The following PRKAR2A variants were observed in gnomAD, a reference collection of about 807,000 sequenced individuals.
The protein encoded by PRKAR2A is cAMP-dependent protein kinase type II-alpha regulatory subunit.
Under a neutral mutation model 51.9 loss-of-function variants are expected in PRKAR2A, and 29 were observed. The observed-to-expected ratio is 0.56, with a 90% CI of 0.42 to 0.76. PRKAR2A has a LOEUF of 0.76. Ranked by LOEUF, PRKAR2A falls within the 30% of genes least tolerant of loss-of-function variation. The pLI is 0.00. For missense variants in PRKAR2A, 445 were observed against 512.1 expected, an observed-to-expected ratio of 0.87 and a Z score of 1.26; for synonymous variants, 178 against 186.2, an observed-to-expected ratio of 0.96 and a Z score of 0.36.
intron 4 of PRKAR2A, 116 bp from the exon 5 acceptor site, chr3:48,783,208 A>T: frequency 1.5e-6 from 1 of 680,252 alleles, no homozygotes; most frequent in Non-Finnish European, 2.6e-6. Flanking sequence ...TCAAGCAGAA[A>T]CCTAAAGGTT....
At chr3:48,791,161 C>A (rs1290450685) in intron 3 of PRKAR2A, among the ~76,000 whole-genome samples, 3 of 151,580 alleles carry the variant, frequency 2.0e-5, no homozygotes, top group Non-Finnish European at 4.4e-5. Flanking sequence ...GTGGCGCGTG[C>A]CTGTAATCCC....
intron 1 of PRKAR2A, among the ~76,000 whole-genome samples, chr3:48,830,381 C>G (rs2083169228): frequency 6.6e-6 from 1 of 152,142 alleles, no homozygotes; most frequent in Non-Finnish European, 1.5e-5. Context: ...GAGCTGTCAT[C>G]TCCTTTGATT....
chr3:48,784,175 G>C (rs1009826605), intron 4 of PRKAR2A, among the ~76,000 whole-genome samples: 2 of 152,086 alleles, frequency 1.3e-5, no homozygotes, highest in African/African-American at 2.4e-5. Flanking sequence ...ATCCCTGTCA[G>C]GGAGATCAGT....
chr3:48,811,486 A>G (rs2082769850), intron 1 of PRKAR2A, among the ~76,000 whole-genome samples: 1 of 152,190 alleles, frequency 6.6e-6, no homozygotes. Context: ...TCAGCCATAA[A>G]AAGGAATCAT....
intron 1 of PRKAR2A, among the ~76,000 whole-genome samples, chr3:48,846,927 T>C (rs2107479655): frequency 6.6e-6 from 1 of 152,356 alleles, no homozygotes; most frequent in South Asian, 2.1e-4. Flanking sequence ...GTTTTCACAG[T>C]AACTTTTCAA....
Position 48,847,433 on chromosome 3 carries a change from G to T in PRKAR2A, c.164C>A (p.Pro55Gln). The T allele has an allele frequency of 1.3e-6, 2 of 1,586,784 alleles. No homozygotes were observed. The highest frequency in any genetic ancestry group is 2.3e-5 in the East Asian group (1 of 43,138). ...APASVLPAAT[P>Q]RQSLGHPPPE... ...CGGGGGGTGGCCCAGGCTCTGGCGTGGGGTGGCGGCGGGCAGGACTGAGGC... is the reference window on the plus strand; with the variant it reads ...CGGGGGGTGGCCCAGGCTCTGGCGTTGGGTGGCGGCGGGCAGGACTGAGGC... Residue 55 changes from proline to glutamine, a missense_variant, in exon 1 of 11, where the codon CCA becomes CAA. Transcript: ENST00000265563. The surrounding 1 kb of genome is among the most constrained non-coding windows in gnomAD (Gnocchi z 4.4).
chr3:48,838,972 A>C (rs534779713), intron 1 of PRKAR2A, among the ~76,000 whole-genome samples: 38 of 150,124 alleles, frequency 2.5e-4, no homozygotes, highest in African/African-American at 8.6e-4. Context: ...CGACAGAGCA[A>C]GACTCCGTCT....
chr3:48,771,787 G>A (rs2082032365), intron 6 of PRKAR2A, among the ~76,000 whole-genome samples: 2 of 151,798 alleles, frequency 1.3e-5, no homozygotes, highest in African/African-American at 4.8e-5. Context: ...TTGGGTGAAT[G>A]TTCCATGGGC....
At chr3:48,837,364 G>C (rs2083302971) in intron 1 of PRKAR2A, among the ~76,000 whole-genome samples, 1 of 152,132 alleles carries the variant, frequency 6.6e-6, no homozygotes, top group South Asian at 2.1e-4. Flanking sequence ...AACATCATTA[G>C]TCATTAGAGA....
intron 5 of PRKAR2A, among the ~76,000 whole-genome samples, chr3:48,778,894 C>T (rs1193004646): frequency 1.4e-5 from 2 of 144,266 alleles, no homozygotes; most frequent in Non-Finnish European, 1.5e-5. Flanking sequence ...GGCATGATCT[C>T]GGCTCACTGC....
chr3:48,789,869 CCTTT>C (rs1312181165), intron 4 of PRKAR2A, among the ~76,000 whole-genome samples: 2 of 151,552 alleles, frequency 1.3e-5, no homozygotes, highest in Non-Finnish European at 2.9e-5. Flanking sequence ...TTCCTTCCTT[CCTTT>C]CTTCCTTTTC....
intron 1 of PRKAR2A, among the ~76,000 whole-genome samples, chr3:48,831,912 C>A (rs1042748737): frequency 1.3e-5 from 2 of 152,160 alleles, no homozygotes; most frequent in African/African-American, 4.8e-5. Flanking sequence ...GCCACCACAA[C>A]TGGCCTCCAA....
Position 48,847,806 on chromosome 3 carries a change from G to A in PRKAR2A, c.-210C>T, listed in dbSNP as rs2083495868. 6.7e-6 allele frequency: 3 copies of A among 446,292 alleles called. No individual in the cohort carries two copies. The highest frequency in any genetic ancestry group is 2.0e-5 in the African/African-American group (1 of 48,884). The allele number at this position is 446,292 out of a possible 1,614,324, so 27.6% of individuals were successfully genotyped here. On this transcript the variant is annotated 5_prime_UTR_variant, in exon 1 of 11. Transcript: ENST00000265563. This position sits in a 1 kb window ranked among gnomAD's most constrained non-coding sequence, Gnocchi z 4.4. ...CCTGGCACCGCCGCCGCTGTCACTG[G>A]GCAGCCGCCGCCGCCGCGGGGACCG...
intron 1 of PRKAR2A, among the ~76,000 whole-genome samples, chr3:48,815,923 G>A (rs557883782): frequency 1.9e-4 from 28 of 150,832 alleles, no homozygotes; most frequent in African/African-American, 6.6e-4. Context: ...GGAGGCTGAG[G>A]CAGGAGAATC....
At position 48,799,612 on chromosome 3, in the gene PRKAR2A, T is replaced by A. The variant is rs189583244; in HGVS notation, c.299-5563A>T. 2.4e-3 allele frequency among the ~76,000 whole-genome samples: 368 copies of A among 152,330 alleles called. 1 individual carries two copies. The highest frequency in any genetic ancestry group is 0.02 in the Middle Eastern group (6 of 294). The stretch of plus-strand genomic sequence containing the variant: ...CAAAAATCAGTATTTTATTATATAG[T>A]AAGCACATAAGCCTTAAAGGGCAGG... On this transcript the variant is annotated intron_variant, in intron 2 of 10. Coordinates refer to ENST00000265563, the MANE Select transcript of PRKAR2A (RefSeq NM_004157.4).
chr3:48,812,386 C>A (rs763107035), intron 1 of PRKAR2A, among the ~76,000 whole-genome samples: 1 of 151,882 alleles, frequency 6.6e-6, no homozygotes, highest in Non-Finnish European at 1.5e-5. Context: ...TAACACAATG[C>A]AGCAATGACG....
intron 2 of PRKAR2A, among the ~76,000 whole-genome samples, chr3:48,800,626 A>G (rs897977705): frequency 4.6e-5 from 7 of 152,084 alleles, no homozygotes; most frequent in Admixed American, 4.6e-4. Flanking sequence ...CACTTGATGT[A>G]GAGGGACTGT....
At chr3:48,806,801 TC>T (rs932616391) in intron 2 of PRKAR2A, among the ~76,000 whole-genome samples, 2 of 151,910 alleles carry the variant, frequency 1.3e-5, no homozygotes, top group Non-Finnish European at 2.9e-5. Flanking sequence ...AGACAGAGTC[TC>T]ACTCTGTTGC....
chr3:48,845,900 T>C (rs1275711057), intron 1 of PRKAR2A, among the ~76,000 whole-genome samples: 1 of 151,786 alleles, frequency 6.6e-6, no homozygotes, highest in African/African-American at 2.4e-5. Context: ...GAGCCCTGAT[T>C]GTGCCACTAC....
Sources: allele counts gnomAD v4.1 joint callset (sites outside exome capture counted in the v4.1 genomes callset), GRCh38; gene constraint gnomAD v4.1.1; non-coding constraint Gnocchi (gnomAD v3.1); transcripts MANE v1.5; gene names NCBI Gene and HGNC (gene_info 2026-07-23, HGNC 2026-07-21).